SLC30A8: variants seen among roughly 807,000 people sequenced by gnomAD.
SLC30A8 encodes the protein solute carrier family 30 member 8.
A neutral mutation model predicts 36.9 loss-of-function variants in SLC30A8; 27 were observed. The ratio of observed to expected loss-of-function variants is 0.73; its 90% CI spans 0.54 to 1.01. SLC30A8 has a LOEUF of 1.01. Among genes scored for constraint, SLC30A8 ranks in the 50% least tolerant of loss-of-function variants. SLC30A8 has a pLI of 0.00. For synonymous variants in SLC30A8, 164 were observed against 172.4 expected, an observed-to-expected ratio of 0.95 and a Z score of 0.38; for missense variants, 439 against 452.0, an observed-to-expected ratio of 0.97 and a Z score of 0.26.
intron 2 of SLC30A8, among the ~76,000 whole-genome samples, chr8:117,045,796 A>C (rs890950413): frequency 3.3e-5 from 5 of 152,120 alleles, no homozygotes; most frequent in Non-Finnish European, 7.4e-5. Context: ...TAACATTTGG[A>C]CACTAACGTG....
intron 1 of SLC30A8, chr8:117,007,247 A>G (rs969065413): frequency 2.4e-4 from 37 of 152,052 alleles, no homozygotes; most frequent in Admixed American, 2.3e-3. Flanking sequence ...GTTAAAAAAC[A>G]TTTATTTTCT....
chr8:117,030,803 C>T (rs933778937), intron 1 of SLC30A8, among the ~76,000 whole-genome samples: 1 of 152,102 alleles, frequency 6.6e-6, no homozygotes, highest in African/African-American at 2.4e-5. Context: ...AAAAGACTAC[C>T]ATTATTAAAA....
At chr8:117,150,403 C>A (rs985091510) in intron 2 of SLC30A8, among the ~76,000 whole-genome samples, 6 of 152,106 alleles carry the variant, frequency 3.9e-5, no homozygotes, top group African/African-American at 9.7e-5. Context: ...CAGGCCCCAT[C>A]GTTCCTCTGC....
Position 117,174,023 on chromosome 8 carries a change from G to C in SLC30A8, c.*1342G>C, listed in dbSNP as rs1348597920. 2.6e-5 allele frequency: 4 copies of C among 152,078 alleles called. No individual in the cohort carries two copies. The East Asian group carries it at 7.7e-4, about 29-fold the overall frequency. 9.4% of individuals were successfully genotyped at this position (152,078 alleles called of 1,614,324 possible). A position where few individuals can be genotyped will look rare whatever the true frequency, so the allele number is the denominator to read the frequency against. ...GACATTCTAGGCAAAAAGAAGACTA[G>C]GCACAAGGCACACTTATGTTTGTCT... On this transcript the variant is annotated 3_prime_UTR_variant, in exon 8 of 8. Transcript: ENST00000456015.
At position 117,173,326 on chromosome 8, in the gene SLC30A8, T is replaced by C. The variant is rs976345630; in HGVS notation, c.*645T>C. 1 of 152,248 alleles carries C rather than the reference T, an allele frequency of 6.6e-6. No individual in the cohort carries two copies. 9.4% of individuals were successfully genotyped at this position (152,248 alleles called of 1,614,324 possible). On this transcript the variant is annotated 3_prime_UTR_variant, in exon 8 of 8. Transcript: ENST00000456015. ...AACTTGTTTATTTCAAAACTTTATA[T>C]AATCACTGTTCAAAAGGAAATATTT...
chr8:117,011,897 T>A (rs146408224), intron 1 of SLC30A8, among the ~76,000 whole-genome samples: 1 of 152,346 alleles, frequency 6.6e-6, no homozygotes, highest in Non-Finnish European at 1.5e-5. Context: ...CCATGAGTAA[T>A]GTGAATTTTA....
At chr8:117,165,072 C>T (rs1039956994) in intron 6 of SLC30A8, among the ~76,000 whole-genome samples, 4 of 152,234 alleles carry the variant, frequency 2.6e-5, no homozygotes, top group Middle Eastern at 3.4e-3. Context: ...GCAGAGTTAG[C>T]GCAAAGAGAC....
At chr8:116,992,592 C>A (rs564521059) in intron 1 of SLC30A8, among the ~76,000 whole-genome samples, 2 of 152,204 alleles carry the variant, frequency 1.3e-5, no homozygotes, top group South Asian at 4.1e-4. Flanking sequence ...ACTAGCAAAG[C>A]AGTCCCAAGT....
At chr8:117,156,032 T>C (rs1563632167) in intron 3 of SLC30A8, among the ~76,000 whole-genome samples, 1 of 150,864 alleles carries the variant, frequency 6.6e-6, no homozygotes. Flanking sequence ...TCTGAGGAAC[T>C]GAAGATTAGT....
chr8:117,172,490 T>C (rs774020754), intron 7 of SLC30A8, 46 bp from the exon 8 acceptor site: 1 of 1,612,876 alleles, frequency 6.2e-7, no homozygotes, highest in East Asian at 2.2e-5. Flanking sequence ...CAGTCGCCCA[T>C]GCGTGTGCAA....
intron 1 of SLC30A8, among the ~76,000 whole-genome samples, chr8:117,005,318 A>G (rs1399198697): frequency 6.6e-6 from 1 of 152,154 alleles, no homozygotes; most frequent in Non-Finnish European, 1.5e-5. Flanking sequence ...CATAAATCAT[A>G]TGTCTTTTAT....
intron 2 of SLC30A8, among the ~76,000 whole-genome samples, chr8:117,124,779 A>C (rs925804390): frequency 1.3e-4 from 19 of 151,782 alleles, no homozygotes; most frequent in Admixed American, 1.2e-3. Flanking sequence ...TGAGAACCAT[A>C]GACACTGTGG....
intron 2 of SLC30A8, among the ~76,000 whole-genome samples, chr8:117,087,103 A>G (rs1818908948): frequency 6.6e-6 from 1 of 152,190 alleles, no homozygotes; most frequent in South Asian, 2.1e-4. Flanking sequence ...TTATAATGGG[A>G]TTTCTCGGAA....
chr8:116,990,526 A>G (rs1015526413), intron 1 of SLC30A8, among the ~76,000 whole-genome samples: 3 of 152,212 alleles, frequency 2.0e-5, no homozygotes, highest in African/African-American at 4.8e-5. Flanking sequence ...ATTCTACAAA[A>G]TATCTGACCA....
chr8:117,029,851 C>T (rs1174373277), intron 1 of SLC30A8, among the ~76,000 whole-genome samples: 1 of 152,174 alleles, frequency 6.6e-6, no homozygotes, highest in Admixed American at 6.6e-5. Context: ...TAAATTCACT[C>T]TTTGAGTAGT....
At chr8:117,023,276 C>T (rs969700738) in intron 1 of SLC30A8, among the ~76,000 whole-genome samples, 2 of 152,168 alleles carry the variant, frequency 1.3e-5, no homozygotes, top group Non-Finnish European at 2.9e-5. Context: ...GTTGGTGGGA[C>T]TGTAAACTAG....
chr8:117,058,720 C>A (rs1381087588), intron 2 of SLC30A8, among the ~76,000 whole-genome samples: 1 of 152,148 alleles, frequency 6.6e-6, no homozygotes. Flanking sequence ...GCTTAAATGG[C>A]TGGAAAAATA....
intron 2 of SLC30A8, 60 bp downstream of exon 2, chr8:117,147,213 G>A: frequency 6.9e-7 from 1 of 1,453,788 alleles, no homozygotes; most frequent in African/African-American, 1.4e-5. Context: ...CATCATTATG[G>A]GAGGGTTACC....
chr8:116,971,148 G>C (rs968428589), intron 1 of SLC30A8, among the ~76,000 whole-genome samples: 1 of 152,094 alleles, frequency 6.6e-6, no homozygotes, highest in African/African-American at 2.4e-5. Flanking sequence ...AAAGAAAATA[G>C]TTAATGCATG....
Sources: gnomAD v4.1 joint callset for allele counts (sites outside exome capture counted in the v4.1 genomes callset) on GRCh38, gnomAD v4.1.1 for gene constraint, MANE v1.5 for transcripts, NCBI Gene and HGNC (gene_info 2026-07-23, HGNC 2026-07-21) for gene names.